The following CHODL variants were observed in gnomAD, a reference collection of about 807,000 sequenced individuals.
The protein encoded by CHODL is chondrolectin.
CHODL carries 29 observed loss-of-function variants against 34.5 expected under a neutral mutation model. The observed-to-expected ratio is 0.84, with a 90% CI of 0.63 to 1.15. The LOEUF (loss-of-function observed/expected upper bound fraction) is 1.15. CHODL is among the 50% of genes most tolerant of loss of function. The pLI, the probability that CHODL is intolerant of heterozygous loss-of-function variation, is 0.00. For missense variants in CHODL, 332 were observed against 332.5 expected (o/e 1.00, Z 0.01); for synonymous variants, 125 against 116.1 (o/e 1.08, Z -0.49).
chr21:17,981,552 AAG>A (rs1413954026), intron 1 of CHODL, among the ~76,000 whole-genome samples: 2 of 152,172 alleles, frequency 1.3e-5, no homozygotes, highest in Non-Finnish European at 2.9e-5. Context: ...AGGTACCTAA[AAG>A]AGCCAACAGA....
chr21:18,181,062 A>G (rs1483399165), intron 2 of CHODL, among the ~76,000 whole-genome samples: 1 of 152,200 alleles, frequency 6.6e-6, no homozygotes, highest in Non-Finnish European at 1.5e-5. Flanking sequence ...TTATTTAGGC[A>G]TTTAAATAGT....
intron 2 of CHODL, among the ~76,000 whole-genome samples, chr21:18,115,644 T>C (rs2065403342): frequency 6.6e-6 from 1 of 152,240 alleles, no homozygotes; most frequent in Non-Finnish European, 1.5e-5. Context: ...TCCTCTCTAA[T>C]GACTTACCTC....
At chr21:18,101,021 T>C (rs1258199553) in intron 2 of CHODL, among the ~76,000 whole-genome samples, 1 of 152,108 alleles carries the variant, frequency 6.6e-6, no homozygotes, top group Non-Finnish European at 1.5e-5. Flanking sequence ...ATGGTTTGGC[T>C]CTGTGTCCCC....
chr21:18,089,860 AG>A (rs1275296082), intron 2 of CHODL, among the ~76,000 whole-genome samples: 1 of 152,238 alleles, frequency 6.6e-6, no homozygotes, highest in African/African-American at 2.4e-5. Flanking sequence ...GCCAAAGCAC[AG>A]GAAGCTTCCA....
At chr21:17,963,901 T>C (rs2063552047) in intron 1 of CHODL, among the ~76,000 whole-genome samples, 1 of 152,162 alleles carries the variant, frequency 6.6e-6, no homozygotes, top group Non-Finnish European at 1.5e-5. Context: ...CAAAAGGATT[T>C]GGCTAAAATG....
intron 2 of CHODL, among the ~76,000 whole-genome samples, chr21:18,075,318 A>G (rs2064851690): frequency 6.6e-6 from 1 of 152,212 alleles, no homozygotes. Context: ...GGTTTCAGGC[A>G]AAAATATTCT....
upstream of CHODL, among the ~76,000 whole-genome samples, chr21:18,241,909 T>G (rs1043124706): frequency 6.6e-6 from 1 of 152,136 alleles, no homozygotes; most frequent in Non-Finnish European, 1.5e-5. Flanking sequence ...ATCCTTCTAT[T>G]TGGGGGCTTG....
At chr21:18,161,082 T>C (rs1390593197) in intron 2 of CHODL, among the ~76,000 whole-genome samples, 11 of 152,180 alleles carry the variant, frequency 7.2e-5, no homozygotes, top group African/African-American at 2.7e-4. Flanking sequence ...TTAAGTGATG[T>C]TGAGCTTTTT....
intron 1 of CHODL, among the ~76,000 whole-genome samples, chr21:17,944,922 G>T (rs1027193459): frequency 4.6e-5 from 7 of 152,308 alleles, no homozygotes; most frequent in Non-Finnish European, 8.8e-5. Context: ...GCTTCAGAAA[G>T]AAACTAGGCC....
intron 1 of CHODL, among the ~76,000 whole-genome samples, chr21:17,933,547 G>C (rs968026446): frequency 6.6e-6 from 1 of 152,164 alleles, no homozygotes; most frequent in African/African-American, 2.4e-5. Context: ...CAGAGAGCAC[G>C]GGGTTGGGGT....
At chr21:17,938,484 TTTTTTTTTTA>T (rs2063334930) in intron 1 of CHODL, among the ~76,000 whole-genome samples, 1 of 3,136 alleles carries the variant, frequency 3.2e-4, no homozygotes, top group African/African-American at 1.3e-3. Flanking sequence ...TTTTTTTTTT[TTTTTTTTTTA>T]AGGAAAGGGA....
chr21:18,137,520 A>C (rs1302264616), intron 2 of CHODL, among the ~76,000 whole-genome samples: 1 of 152,154 alleles, frequency 6.6e-6, no homozygotes, highest in Non-Finnish European at 1.5e-5. Flanking sequence ...AACTTCTCTT[A>C]AGTTACATCT....
Position 17,947,542 on chromosome 21 carries a change from CAG to C in CHODL, c.-145+30144_-145+30145del, listed in dbSNP as rs751855898. ...TTCAACCTAATAAGAAACACACACA[CAG>C]ACACACACACACACACACACACATA... On this transcript the variant is annotated intron_variant, in intron 1 of 6. Transcript: ENST00000400127. Among the ~76,000 whole-genome samples, 96 of 84,116 alleles carry C rather than the reference CAG, an allele frequency of 1.1e-3. 1 individual carries two copies. The highest frequency in any genetic ancestry group is 3.7e-3 in the African/African-American group (89 of 24,380). 55.2% of individuals were successfully genotyped at this position (84,116 alleles called of 152,430 possible). A position where few individuals can be genotyped will look rare whatever the true frequency, so the allele number is the denominator to read the frequency against.
At chr21:18,265,900 G>A (rs1211029899) in intron 5 of CHODL, 54 bp from the exon 6 acceptor site, 2 of 1,427,544 alleles carry the variant, frequency 1.4e-6, no homozygotes, top group Non-Finnish European at 1.9e-6. Context: ...ACGTAGACAT[G>A]CTTAGTTTAA....
At position 17,978,095 on chromosome 21, in the gene CHODL, T is replaced by G. The variant is rs980750533; in HGVS notation, c.-144-49777T>G. On this transcript the variant is annotated intron_variant, in intron 1 of 6. Coordinates refer to the CHODL transcript ENST00000400127. Reference sequence around the variant, plus strand: ...TGTAGGTCAGAAATCCTAGTTGGTTTGTTTGGGGTCTCTTCACTGGGTATT... The same window carrying G: ...TGTAGGTCAGAAATCCTAGTTGGTTGGTTTGGGGTCTCTTCACTGGGTATT... Among the ~76,000 whole-genome samples the G allele has an allele frequency of 1.4e-4, 22 of 152,116 alleles. 1 individual carries two copies. The highest frequency in any genetic ancestry group is 4.1e-4 in the African/African-American group (17 of 41,510).
At chr21:17,992,539 C>A (rs547176644) in intron 1 of CHODL, among the ~76,000 whole-genome samples, 4 of 152,116 alleles carry the variant, frequency 2.6e-5, no homozygotes, top group Middle Eastern at 6.8e-3. Context: ...TTGAAACTTA[C>A]CCTAGGTAAT....
intron 2 of CHODL, among the ~76,000 whole-genome samples, chr21:18,174,161 A>ATATATATATATATATATATATATCTTGGT: frequency 1.2e-5 from 1 of 85,682 alleles, no homozygotes; most frequent in Admixed American, 1.2e-4. Context: ...ATATATATAT[A>ATATATATATATATATATATATATCTTGGT]AAATCAAGTC....
chr21:18,110,425 T>C (rs565595465), intron 2 of CHODL, among the ~76,000 whole-genome samples: 1 of 152,306 alleles, frequency 6.6e-6, no homozygotes, highest in African/African-American at 2.4e-5. Context: ...CATATGAGGC[T>C]GGGCCTTAAG....
intron 1 of CHODL, among the ~76,000 whole-genome samples, chr21:18,248,923 ATG>A (rs2074192729): frequency 8.7e-6 from 1 of 114,560 alleles, no homozygotes; most frequent in African/African-American, 3.8e-5. Context: ...ATACATATAT[ATG>A]TATACATATA....
Sources: gnomAD v4.1 joint callset for allele counts (sites outside exome capture counted in the v4.1 genomes callset) on GRCh38, gnomAD v4.1.1 for gene constraint, MANE v1.5 for transcripts, NCBI Gene and HGNC (gene_info 2026-07-23, HGNC 2026-07-21) for gene names.